Variants in DIS3L2 observed in about 807,000 individuals in gnomAD.
DIS3L2 encodes the protein DIS3 like 3'-5' exoribonuclease 2, also known as DIS3-like exonuclease 2.
A neutral mutation model predicts 97.5 loss-of-function variants in DIS3L2; 34 were observed. That is an observed-to-expected ratio of 0.35 (90% CI 0.27 to 0.46). The LOEUF (loss-of-function observed/expected upper bound fraction) is 0.46, where lower values mean the gene tolerates loss of function less well. Among genes scored for constraint, DIS3L2 ranks in the 20% least tolerant of loss-of-function variants. DIS3L2 has a pLI of 1.00. For synonymous variants in DIS3L2, 435 were observed against 445.2 expected (o/e 0.98, Z 0.29); for missense variants, 1,038 against 1,146.0 (o/e 0.91, Z 1.36).
At chr2:232,077,964 T>C (rs902286432) in intron 5 of DIS3L2, among the ~76,000 whole-genome samples, 13 of 77,868 alleles carry the variant, frequency 1.7e-4, no homozygotes, top group Admixed American at 1.6e-3. Flanking sequence ...TCTCTTTCTT[T>C]CTTTCTTTCT....
chr2:232,159,433 G>A (rs756912693), intron 8 of DIS3L2, among the ~76,000 whole-genome samples: 1 of 152,210 alleles, frequency 6.6e-6, no homozygotes, highest in Non-Finnish European at 1.5e-5. Flanking sequence ...TTGAGTTGAG[G>A]CAGAGTTTAA....
chr2:232,219,529 T>C (rs1692436703), intron 10 of DIS3L2, among the ~76,000 whole-genome samples: 1 of 152,186 alleles, frequency 6.6e-6, no homozygotes, highest in Non-Finnish European at 1.5e-5. Flanking sequence ...TAAGTCTGTT[T>C]CTTTGGAATT....
At chr2:232,220,384 G>A (rs1692464152) in intron 10 of DIS3L2, among the ~76,000 whole-genome samples, 1 of 152,032 alleles carries the variant, frequency 6.6e-6, no homozygotes, top group African/African-American at 2.4e-5. Context: ...TATCTCTTCA[G>A]TGGCAGTGCT....
intron 9 of DIS3L2, among the ~76,000 whole-genome samples, chr2:232,205,883 A>G (rs1428546552): frequency 6.6e-6 from 1 of 152,254 alleles, no homozygotes. Context: ...TGTCACAAGT[A>G]GAGTGTTTCC....
intron 1 of DIS3L2, among the ~76,000 whole-genome samples, chr2:231,988,447 A>G (rs889543744): frequency 2.0e-5 from 3 of 152,230 alleles, no homozygotes; most frequent in Non-Finnish European, 4.4e-5. Context: ...GAGGTCATCA[A>G]GCTTTCCCTA....
chr2:232,163,687 C>T (rs1329454625), intron 9 of DIS3L2, 55 bp downstream of exon 9: 1 of 1,552,166 alleles, frequency 6.4e-7, no homozygotes, highest in Non-Finnish European at 8.7e-7. Context: ...CTTAACTTTC[C>T]TAGGGGCTAG....
At chr2:232,052,573 C>A (rs1023061936) in intron 5 of DIS3L2, among the ~76,000 whole-genome samples, 2 of 152,126 alleles carry the variant, frequency 1.3e-5, no homozygotes, top group African/African-American at 4.8e-5. Context: ...TTTAGCATAC[C>A]CTTAATCTTG....
intron 10 of DIS3L2, among the ~76,000 whole-genome samples, chr2:232,220,884 C>A (rs1019005921): frequency 6.6e-6 from 1 of 151,826 alleles, no homozygotes. Flanking sequence ...GGGTGGATCA[C>A]CTGATGTCAG....
At chr2:232,130,516 G>A in intron 6 of DIS3L2, 103 bp from the exon 7 acceptor site, 2 of 1,371,452 alleles carry the variant, frequency 1.5e-6, no homozygotes, top group East Asian at 2.5e-5. Context: ...GTAGTTTGGG[G>A]TAACTGGTAT....
At chr2:232,175,384 A>G (rs913799462) in intron 9 of DIS3L2, among the ~76,000 whole-genome samples, 1 of 152,096 alleles carries the variant, frequency 6.6e-6, no homozygotes, top group Non-Finnish European at 1.5e-5. Context: ...ATGGTGTATA[A>G]TGATTTTTAC....
At chr2:232,038,977 A>G (rs1695032267) in intron 5 of DIS3L2, among the ~76,000 whole-genome samples, 1 of 152,230 alleles carries the variant, frequency 6.6e-6, no homozygotes. Context: ...TAGCTCCTAC[A>G]GAGGGGCTGC....
At chr2:232,031,969 C>T (rs1159399551) in intron 5 of DIS3L2, among the ~76,000 whole-genome samples, 1 of 151,682 alleles carries the variant, frequency 6.6e-6, no homozygotes, top group Non-Finnish European at 1.5e-5. Context: ...CATATGTGTG[C>T]ATGTGTGCAT....
At chr2:232,192,623 T>C (rs1226848743) in intron 9 of DIS3L2, among the ~76,000 whole-genome samples, 2 of 152,176 alleles carry the variant, frequency 1.3e-5, no homozygotes, top group Non-Finnish European at 2.9e-5. Context: ...ACCCTCCCTC[T>C]GCCTCCCCAC....
chr2:232,237,139 A>G (rs1180950403), intron 10 of DIS3L2, among the ~76,000 whole-genome samples: 1 of 152,238 alleles, frequency 6.6e-6, no homozygotes, highest in African/African-American at 2.4e-5. Flanking sequence ...GTATGTACGT[A>G]TGTATATACT....
intron 13 of DIS3L2, among the ~76,000 whole-genome samples, chr2:232,290,030 T>C (rs1694554295): frequency 6.6e-6 from 1 of 152,254 alleles, no homozygotes; most frequent in Non-Finnish European, 1.5e-5. Flanking sequence ...ACTGGCACTT[T>C]CCTGTGGAAG....
intron 14 of DIS3L2, among the ~76,000 whole-genome samples, chr2:232,306,440 A>G (rs1694987479): frequency 6.6e-6 from 1 of 152,174 alleles, no homozygotes; most frequent in Admixed American, 6.5e-5. Context: ...GCCACGGTAA[A>G]AATTACAGCT....
intron 12 of DIS3L2, among the ~76,000 whole-genome samples, chr2:232,250,731 C>G (rs540122958): frequency 3.9e-5 from 6 of 152,264 alleles, no homozygotes; most frequent in African/African-American, 1.4e-4. Flanking sequence ...GGCAGTGACA[C>G]CTTGGGGGAG....
At chr2:232,058,991 C>T (rs1325397087) in intron 5 of DIS3L2, among the ~76,000 whole-genome samples, 2 of 151,936 alleles carry the variant, frequency 1.3e-5, no homozygotes, top group Non-Finnish European at 2.9e-5. Flanking sequence ...CATGCTGATC[C>T]TGAGTTCATA....
chr2:232,053,185 T>G (rs1164686290), intron 5 of DIS3L2, among the ~76,000 whole-genome samples: 2 of 152,254 alleles, frequency 1.3e-5, no homozygotes, highest in Non-Finnish European at 2.9e-5. Flanking sequence ...AGTAAATTCT[T>G]GAACTTGAGT....
Sources: gnomAD v4.1 joint callset for allele counts (sites outside exome capture counted in the v4.1 genomes callset) on GRCh38, gnomAD v4.1.1 for gene constraint, MANE v1.5 for transcripts, NCBI Gene and HGNC (gene_info 2026-07-23, HGNC 2026-07-21) for gene names.